The following TRIM65 variants were observed in gnomAD, a reference collection of about 807,000 sequenced individuals.
The protein encoded by TRIM65 is E3 ubiquitin-protein ligase TRIM65.
Under a neutral mutation model 36.1 loss-of-function variants are expected in TRIM65, and 46 were observed. The ratio of observed to expected loss-of-function variants is 1.27; its 90% CI spans 1.01 to 1.63. The LOEUF is 1.63. Among genes scored for constraint, TRIM65 ranks in the 40% most tolerant of loss-of-function variants. The pLI, the probability that TRIM65 is intolerant of heterozygous loss-of-function variation, is 0.00. For missense variants in TRIM65, 708 were observed against 696.6 expected, an observed-to-expected ratio of 1.02 and a Z score of -0.18; for synonymous variants, 346 against 313.6, an observed-to-expected ratio of 1.10 and a Z score of -1.09.
intron 1 of TRIM65, among the ~76,000 whole-genome samples, chr17:75,895,702 T>C (rs1351744715): frequency 1.3e-5 from 2 of 152,226 alleles, no homozygotes; most frequent in Non-Finnish European, 2.9e-5. Flanking sequence ...CCAACCCCTC[T>C]ATCACATGCC....
chr17:75,891,430 A>G, intron 5 of TRIM65, 83 bp from the exon 6 acceptor site: 3 of 1,434,170 alleles, frequency 2.1e-6, no homozygotes, highest in Non-Finnish European at 2.9e-6. Context: ...AACCTCCGCC[A>G]GGCACGCTGA....
chr17:75,881,478 C>G (rs1338301937), intron 4 of TRIM65, among the ~76,000 whole-genome samples: 1 of 150,370 alleles, frequency 6.7e-6, no homozygotes, highest in Non-Finnish European at 1.5e-5. Flanking sequence ...GAGCTGCTTC[C>G]TGGGTTGTAG....
chr17:75,883,605 G>A (rs1266565694), intron 4 of TRIM65, among the ~76,000 whole-genome samples: 3 of 130,812 alleles, frequency 2.3e-5, no homozygotes, highest in African/African-American at 8.9e-5. Context: ...TTGGCTCACT[G>A]CAAGCTCCAC....
At chr17:75,883,876 T>C (rs2065186681) in intron 4 of TRIM65, among the ~76,000 whole-genome samples, 1 of 152,166 alleles carries the variant, frequency 6.6e-6, no homozygotes, top group African/African-American at 2.4e-5. Flanking sequence ...AATGAATATA[T>C]TTATATTATT....
At chr17:75,891,675 G>C in intron 5 of TRIM65, 138 bp downstream of exon 5, 1 of 1,160,076 alleles carries the variant, frequency 8.6e-7, no homozygotes, top group Non-Finnish European at 1.2e-6. Flanking sequence ...CAGATGTCCC[G>C]GCAGGACAGT....
chr17:75,896,949 G>C lies in TRIM65; in HGVS notation c.-12C>G. 1 of 1,485,266 alleles carries C rather than the reference G, an allele frequency of 6.7e-7. No homozygotes were observed. The highest frequency in any genetic ancestry group is 8.9e-7 in the Non-Finnish European group (1 of 1,123,160). The allele number at this position is 1,485,266 out of a possible 1,614,324, so 92.0% of individuals were successfully genotyped here. ...AGCTGCGCGGCCATGGCCCGGCGGC[G>C]GCGAGAGCCAGGCGGGCCCCGGGCG... is the stretch of plus-strand genomic sequence containing the variant. On this transcript the variant is annotated 5_prime_UTR_variant, in exon 1 of 6. Transcript: ENST00000269383.
At chr17:75,895,083 T>C (rs1397930476) in intron 1 of TRIM65, among the ~76,000 whole-genome samples, 1 of 152,124 alleles carries the variant, frequency 6.6e-6, no homozygotes, top group Admixed American at 6.5e-5. Context: ...AACTCTGCCC[T>C]CCACCTACGC....
chr17:75,883,424 T>C (rs2065181627), intron 4 of TRIM65, among the ~76,000 whole-genome samples: 2 of 152,164 alleles, frequency 1.3e-5, no homozygotes, highest in African/African-American at 4.8e-5. Context: ...GCCTTCTTTA[T>C]GCTTTTGATG....
At chr17:75,882,560 A>G (rs1454521800) in intron 4 of TRIM65, among the ~76,000 whole-genome samples, 1 of 150,500 alleles carries the variant, frequency 6.6e-6, no homozygotes, top group Non-Finnish European at 1.5e-5. Context: ...TTGTTTGCCT[A>G]GTGTATTAGT....
rs966143138 is a variant in TRIM65, at chr17:75,892,839, T to C, written c.426A>G (p.Arg142=). ...GCTGCTGGGTAACCTCCAGGCTGGC[T>C]CTCAGCTGGGCCTGTGGTGCGGGCC... is the stretch of plus-strand genomic sequence containing the variant. ...AERLKREAQL[R]ASLEVTQQQA... The change falls in exon 2 of 6, where the codon AGA becomes AGG. Residue 142 remains arginine (R), a synonymous_variant. Coordinates refer to ENST00000269383, the MANE Select transcript of TRIM65 (RefSeq NM_173547.4). The C allele has an allele frequency of 7.5e-6, 12 of 1,602,516 alleles. No individual in the cohort carries two copies. The highest frequency in any genetic ancestry group is 8.5e-6 in the Non-Finnish European group (10 of 1,179,870).
chr17:75,891,954 C>G, intron 4 of TRIM65, 57 bp downstream of exon 4: 2 of 1,560,896 alleles, frequency 1.3e-6, no homozygotes. Context: ...TCCACCCCCC[C>G]AGCGGGAGGG....
chr17:75,882,595 A>C (rs2065175253), intron 4 of TRIM65, among the ~76,000 whole-genome samples: 1 of 150,508 alleles, frequency 6.6e-6, no homozygotes, highest in African/African-American at 2.5e-5. Flanking sequence ...ATTGTCTAAG[A>C]GTCAAGGGCA....
chr17:75,896,204 C>G (rs181903716), intron 1 of TRIM65, among the ~76,000 whole-genome samples: 161 of 152,304 alleles, frequency 1.1e-3, no homozygotes, highest in African/African-American at 3.8e-3. Flanking sequence ...TACAGGCGCC[C>G]GCCACCACGC....
chr17:75,896,891 A>T lies in TRIM65; in HGVS notation c.47T>A (p.Leu16Gln). ...LEEKLTCAICLGLYQDPVTLP... is the reference protein window; with the variant it reads ...LEEKLTCAICQGLYQDPVTLP... Reference sequence around the variant, plus strand: ...CGTCACTGGGTCCTGGTAGAGCCCCAGGCAGATGGCGCAGGTCAGCTTCTC... The same window carrying T: ...CGTCACTGGGTCCTGGTAGAGCCCCTGGCAGATGGCGCAGGTCAGCTTCTC... The change falls in exon 1 of 6, where the codon CTG becomes CAG. Residue 16 changes from leucine (L) to glutamine (Q), a missense_variant. Leu to Gln is a moderately radical substitution (Grantham distance 113, BLOSUM62 -2). Transcript: ENST00000269383. 6.6e-7 allele frequency: 1 copy of T among 1,522,766 alleles called. No individual in the cohort carries two copies. The highest frequency in any genetic ancestry group is 8.8e-7 in the Non-Finnish European group (1 of 1,139,414). The allele number at this position is 1,522,766 out of a possible 1,614,324, so 94.3% of individuals were successfully genotyped here.
At chr17:75,884,177 G>A (rs915120571), downstream of TRIM65, among the ~76,000 whole-genome samples, 2 of 151,958 alleles carry the variant, frequency 1.3e-5, no homozygotes, top group East Asian at 1.9e-4. Flanking sequence ...AACAATTTAG[G>A]TCAGGCGCGG....
At position 75,896,619 on chromosome 17, in the gene TRIM65, G is replaced by A. The variant is rs888735718; in HGVS notation, c.319C>T (p.Arg107Trp). The A allele has an allele frequency of 2.2e-5, 28 of 1,253,780 alleles. No homozygotes were observed. The African/African-American group carries it at 3.9e-4, about 17-fold the overall frequency. 77.7% of individuals were successfully genotyped at this position (1,253,780 alleles called of 1,614,324 possible). A position where few individuals can be genotyped will look rare whatever the true frequency, so the allele number is the denominator to read the frequency against. Residue 107 changes from arginine (R) to tryptophan (W), a missense_variant, in exon 1 of 6, where the codon CGG (arginine) becomes TGG (tryptophan). Transcript: ENST00000269383. ...CTGCACACACAGCGGCCCTCGGTCC[G>A]GCAGAAGAGCTCCAGCGGCCGCCCG... ...RHGRPLELFCRTEGRCVCSVC... is the reference protein window; with the variant it reads ...RHGRPLELFCWTEGRCVCSVC...
chr17:75,885,054 A>G (rs116540162), downstream of TRIM65, among the ~76,000 whole-genome samples: 495 of 150,972 alleles, frequency 3.3e-3, 3 homozygotes, highest in African/African-American at 0.011. Flanking sequence ...CTTCTGCCTC[A>G]GCCTCAGCTG....
chr17:75,891,786 G>A (rs753117892), intron 5 of TRIM65, 27 bp downstream of exon 5: 5 of 1,597,700 alleles, frequency 3.1e-6, no homozygotes, highest in Admixed American at 3.5e-5. Context: ...ACACACAGGG[G>A]CACACATACA....
At chr17:75,887,919 G>T (rs2065221123), downstream of TRIM65, among the ~76,000 whole-genome samples, 1 of 152,118 alleles carries the variant, frequency 6.6e-6, no homozygotes, top group South Asian at 2.1e-4. Flanking sequence ...ACTTTGAGAG[G>T]CCAAGGTGGG....
Sources: allele counts gnomAD v4.1 joint callset (sites outside exome capture counted in the v4.1 genomes callset), GRCh38; gene constraint gnomAD v4.1.1; transcripts MANE v1.5; gene names NCBI Gene and HGNC (gene_info 2026-07-23, HGNC 2026-07-21).